Variants in NALF1 observed in about 807,000 individuals in gnomAD.
NALF1 encodes the protein family with sequence similarity 155 member A.
NALF1 carries 3 observed loss-of-function variants against 48.4 expected under a neutral mutation model. That is an observed-to-expected ratio of 0.06 (90% CI 0.03 to 0.16). NALF1 has a LOEUF of 0.16. Ranked by LOEUF, NALF1 falls within the 10% of genes least tolerant of loss-of-function variation. The pLI is 1.00. For missense variants in NALF1, 526 were observed against 571.5 expected, an observed-to-expected ratio of 0.92 and a Z score of 0.81; for synonymous variants, 262 against 245.7, an observed-to-expected ratio of 1.07 and a Z score of -0.62.
chr13:107,682,292 T>C (rs899928534), intron 1 of NALF1, among the ~76,000 whole-genome samples: 6 of 152,214 alleles, frequency 3.9e-5, no homozygotes, highest in African/African-American at 1.4e-4. Context: ...GCAACTGTGA[T>C]GGCGATGTCA....
chr13:107,697,875 G>A (rs1222973216), intron 1 of NALF1, among the ~76,000 whole-genome samples: 1 of 152,026 alleles, frequency 6.6e-6, no homozygotes, highest in Non-Finnish European at 1.5e-5. Context: ...TTAACATAGT[G>A]GCAAATTTAA....
intron 1 of NALF1, among the ~76,000 whole-genome samples, chr13:107,686,874 AG>A (rs772304089): frequency 1.3e-5 from 2 of 152,216 alleles, no homozygotes; most frequent in Non-Finnish European, 2.9e-5. Context: ...GTTCAACCCC[AG>A]TGGAAAACAG....
intron 1 of NALF1, among the ~76,000 whole-genome samples, chr13:107,645,680 CAAAAA>C (rs56187783): frequency 1.5e-5 from 2 of 132,498 alleles, no homozygotes; most frequent in Admixed American, 7.4e-5. Flanking sequence ...TACTGGGAGA[CAAAAA>C]AAAAAAAAAA....
At chr13:107,723,228 T>C (rs1876040666) in intron 1 of NALF1, among the ~76,000 whole-genome samples, 1 of 152,146 alleles carries the variant, frequency 6.6e-6, no homozygotes, top group Admixed American at 6.6e-5. Context: ...GTTCCTGACT[T>C]TTCTAGATAT....
At chr13:107,828,606 T>TACACACACACACACAC in intron 1 of NALF1, among the ~76,000 whole-genome samples, 1 of 103,916 alleles carries the variant, frequency 9.6e-6, no homozygotes, top group South Asian at 2.8e-4. Flanking sequence ...TCTATATCTA[T>TACACACACACACACAC]ACACACACAC....
chr13:107,572,707 T>C (rs1878023786), intron 1 of NALF1, among the ~76,000 whole-genome samples: 1 of 152,200 alleles, frequency 6.6e-6, no homozygotes, highest in Admixed American at 6.5e-5. Flanking sequence ...ACTCTTCATT[T>C]TGGGAGACAA....
intron 2 of NALF1, among the ~76,000 whole-genome samples, chr13:107,179,329 T>C (rs1319749086): frequency 6.6e-6 from 1 of 152,026 alleles, no homozygotes; most frequent in African/African-American, 2.4e-5. Flanking sequence ...ATTGAACTCA[T>C]GGAGATAGAA....
chr13:107,290,050 T>C (rs1176889212), intron 1 of NALF1, among the ~76,000 whole-genome samples: 2 of 152,046 alleles, frequency 1.3e-5, no homozygotes, highest in African/African-American at 4.8e-5. Context: ...AATTACACTA[T>C]ATTCAATGGG....
In NALF1 at chr13:107,819,595, G is replaced by A. The variant is rs550245831; in HGVS notation, c.915+46087C>T. ...TCACTTCCCATTGGCCACGGAGCAA[G>A]GTCTAGATTTAAATGACTTAAAGAA... On this transcript the variant is annotated intron_variant, in intron 1 of 2. Transcript: ENST00000375915. Among the ~76,000 whole-genome samples, 4 of 152,004 alleles carry A rather than the reference G, an allele frequency of 2.6e-5. No homozygotes were observed. The South Asian group carries it at 8.3e-4, about 32-fold the overall frequency.
chr13:107,667,018 G>A (rs554256665), intron 1 of NALF1, among the ~76,000 whole-genome samples: 3 of 152,004 alleles, frequency 2.0e-5, no homozygotes, highest in South Asian at 2.1e-4. Context: ...CATTTTCCAC[G>A]AACTTTTTGA....
At chr13:107,862,824 T>C (rs1339913532) in intron 1 of NALF1, among the ~76,000 whole-genome samples, 1 of 151,860 alleles carries the variant, frequency 6.6e-6, no homozygotes, top group Non-Finnish European at 1.5e-5. Flanking sequence ...TTATATGAAA[T>C]GTAGCAGTTT....
intron 1 of NALF1, among the ~76,000 whole-genome samples, chr13:107,309,799 G>T (rs760277037): frequency 6.6e-6 from 1 of 152,166 alleles, no homozygotes; most frequent in Non-Finnish European, 1.5e-5. Context: ...TTATTTAATG[G>T]ATTTGGTTAG....
chr13:107,701,330 C>T (rs546386094), intron 1 of NALF1, among the ~76,000 whole-genome samples: 1 of 152,194 alleles, frequency 6.6e-6, no homozygotes, highest in East Asian at 1.9e-4. Flanking sequence ...CTGCCATTTG[C>T]CACACATGAC....
chr13:107,548,091 C>T (rs1034420495), intron 1 of NALF1, among the ~76,000 whole-genome samples: 1 of 152,128 alleles, frequency 6.6e-6, no homozygotes, highest in African/African-American at 2.4e-5. Flanking sequence ...AACCCAATAT[C>T]CAATAGTTAT....
At chr13:107,854,864 A>AG (rs1880404228) in intron 1 of NALF1, among the ~76,000 whole-genome samples, 2 of 145,892 alleles carry the variant, frequency 1.4e-5, no homozygotes. Flanking sequence ...CACAGGTTCC[A>AG]TCTCAAAAAA....
intron 1 of NALF1, among the ~76,000 whole-genome samples, chr13:107,394,762 G>C (rs1392865910): frequency 6.6e-6 from 1 of 152,068 alleles, no homozygotes; most frequent in Non-Finnish European, 1.5e-5. Context: ...ATGGACAATT[G>C]GGCATTGTCA....
chr13:107,776,304 AT>A lies in NALF1; in HGVS notation c.915+89377del, dbSNP rs544224658. Among the ~76,000 whole-genome samples, 6 of 152,214 alleles carry A rather than the reference AT, an allele frequency of 3.9e-5. No homozygotes were observed. In the South Asian group the frequency reaches 1.0e-3, roughly 26 times the overall value. ...AAGTTTTCTTGGGTAATTTTTTTTA[AT>A]GTCTAGGTACCTTGGTTTCCTCATC... is the stretch of plus-strand genomic sequence containing the variant. On this transcript the variant is annotated intron_variant, in intron 1 of 2. Coordinates refer to ENST00000375915, the MANE Select transcript of NALF1 (RefSeq NM_001080396.3).
At chr13:107,630,783 C>T (rs997417507) in intron 1 of NALF1, among the ~76,000 whole-genome samples, 2 of 151,936 alleles carry the variant, frequency 1.3e-5, no homozygotes, top group Non-Finnish European at 2.9e-5. Flanking sequence ...CATAATTCAA[C>T]ACTCTCATCT....
At chr13:107,483,149 T>G (rs1057270607) in intron 1 of NALF1, among the ~76,000 whole-genome samples, 4 of 152,186 alleles carry the variant, frequency 2.6e-5, no homozygotes, top group Non-Finnish European at 4.4e-5. Context: ...GCATCATGCC[T>G]GCACATAGGA....
Sources: gnomAD v4.1 joint callset for allele counts (sites outside exome capture counted in the v4.1 genomes callset) on GRCh38, gnomAD v4.1.1 for gene constraint, MANE v1.5 for transcripts, NCBI Gene and HGNC (gene_info 2026-07-23, HGNC 2026-07-21) for gene names.